The following KCTD5 variants were observed in gnomAD, a reference collection of about 807,000 sequenced individuals.
KCTD5 encodes the protein BTB/POZ domain-containing protein KCTD5.
Under a neutral mutation model 27.9 loss-of-function variants are expected in KCTD5, and 12 were observed. The ratio of observed to expected loss-of-function variants is 0.43; its 90% CI spans 0.28 to 0.70. The LOEUF is 0.70. KCTD5 is among the 30% of genes least tolerant of loss of function. The pLI, the probability that KCTD5 is intolerant of heterozygous loss-of-function variation, is 0.19. For missense variants in KCTD5, 226 were observed against 274.8 expected (o/e 0.82, Z 1.26); for synonymous variants, 147 against 121.4 (o/e 1.21, Z -1.39).
rs1285242884 is a variant in KCTD5, at chr16:2,707,363, G to GT, written c.*40dup. 6 of 1,607,564 alleles carry GT rather than the reference G, an allele frequency of 3.7e-6. No individual in the cohort carries two copies. The highest frequency in any genetic ancestry group is 4.3e-6 in the Non-Finnish European group (5 of 1,174,122). On this transcript the variant is annotated 3_prime_UTR_variant, in exon 6 of 6. Transcript: ENST00000301738. ...ATTGACAGCTGAAGAAATGATTTACGTTTTCCCGAGATGTAATGAACTGCC... is the reference window on the plus strand; with the variant it reads ...ATTGACAGCTGAAGAAATGATTTACGTTTTTCCCGAGATGTAATGAACTGCC...
At chr16:2,702,222 C>T (rs1285062192) in intron 4 of KCTD5, 131 bp from the exon 5 acceptor site, 2 of 1,169,648 alleles carry the variant, frequency 1.7e-6, no homozygotes, top group African/African-American at 3.1e-5. Flanking sequence ...GTTTTCCATC[C>T]ATTTCCTGAA....
At chr16:2,700,048 C>A in intron 4 of KCTD5, 132 bp downstream of exon 4, 1 of 775,306 alleles carries the variant, frequency 1.3e-6, no homozygotes, top group Non-Finnish European at 2.1e-6. Context: ...GGGGTGCTCA[C>A]GGCAGCGACC....
At chr16:2,700,261 A>G (rs536887303) in intron 4 of KCTD5, among the ~76,000 whole-genome samples, 5 of 152,290 alleles carry the variant, frequency 3.3e-5, no homozygotes, top group Non-Finnish European at 1.5e-5. Context: ...ATCCAGCGCA[A>G]TCCCCGTCCC....
At chr16:2,690,763 C>T (rs905544363) in intron 1 of KCTD5, among the ~76,000 whole-genome samples, 1 of 152,254 alleles carries the variant, frequency 6.6e-6, no homozygotes, top group Non-Finnish European at 1.5e-5. Context: ...GCCTTACGGG[C>T]AGCACAGGGG....
intron 2 of KCTD5, 25 bp from the exon 3 acceptor site, chr16:2,697,881 G>C: frequency 6.6e-7 from 1 of 1,522,994 alleles, no homozygotes; most frequent in Non-Finnish European, 9.1e-7. Flanking sequence ...GTCTGGTAAA[G>C]ACAATTTATT....
In KCTD5 at chr16:2,701,836, G is replaced by T. The variant is rs537890567; in HGVS notation, c.550-517G>T. On this transcript the variant is annotated intron_variant, in intron 4 of 5. Coordinates refer to ENST00000301738, the MANE Select transcript of KCTD5 (RefSeq NM_018992.4). ...ACAGGTTGGCCCTGGACCTGCATTG[G>T]CCTGGCCTGCCTGGTGACCCGGAGG... Among the ~76,000 whole-genome samples the T allele has an allele frequency of 3.3e-5, 5 of 152,338 alleles. No individual in the cohort carries two copies. In the South Asian group the frequency reaches 1.0e-3, roughly 32 times the overall value.
intron 2 of KCTD5, 24 bp from the exon 3 acceptor site, chr16:2,697,882 A>G (rs1396176824): frequency 6.6e-7 from 1 of 1,524,484 alleles, no homozygotes; most frequent in Non-Finnish European, 9.1e-7. Flanking sequence ...TCTGGTAAAG[A>G]CAATTTATTT....
chr16:2,682,672 G>A lies in KCTD5; in HGVS notation c.124G>A (p.Val42Met), dbSNP rs752641327. 8 of 1,604,396 alleles carry A rather than the reference G, an allele frequency of 5.0e-6. No homozygotes were observed. The African/African-American group carries it at 8.1e-5, about 16-fold the overall frequency. Residue 42 changes from valine to methionine, a missense_variant, in exon 1 of 6, where the codon GTG becomes ATG. By Grantham distance (21) the Val-to-Met change is conservative. Coordinates refer to ENST00000301738, the MANE Select transcript of KCTD5 (RefSeq NM_018992.4). ...LGALAQRPGSVSKWVRLNVGG... is the reference protein window; with the variant it reads ...LGALAQRPGSMSKWVRLNVGG... ...CGCCCTGGCCCAGCGCCCTGGCAGC[G>A]TGTCCAAGTGGGTCCGACTCAACGT...
chr16:2,693,013 G>T (rs771944978), intron 1 of KCTD5, among the ~76,000 whole-genome samples: 20 of 152,360 alleles, frequency 1.3e-4, no homozygotes, highest in Non-Finnish European at 1.2e-4. Context: ...CGAACCCCAG[G>T]GCTGCAGCCC....
At chr16:2,692,774 C>G (rs2067572235) in intron 1 of KCTD5, among the ~76,000 whole-genome samples, 1 of 152,252 alleles carries the variant, frequency 6.6e-6, no homozygotes, top group African/African-American at 2.4e-5. Context: ...TACATGGCGC[C>G]TGGGCTCGGC....
Position 2,682,747 on chromosome 16 carries a change from A to G in KCTD5, c.199A>G (p.Lys67Glu). ...TTRQTLCRDPKSFLYRLCQAD... is the reference protein window; with the variant it reads ...TTRQTLCRDPESFLYRLCQAD... Reference sequence around the variant, plus strand: ...TCGGCAGACCCTGTGCCGGGACCCGAAATCCTTCCTGTACCGCTTATGCCA... The same window carrying G: ...TCGGCAGACCCTGTGCCGGGACCCGGAATCCTTCCTGTACCGCTTATGCCA... The change falls in exon 1 of 6, where the codon AAA becomes GAA. Residue 67 changes from lysine (K) to glutamate (E), a missense_variant. This residue lies in a region of KCTD5 where 135 missense variants were observed against 207.0 expected (regional missense o/e 0.65). Coordinates refer to ENST00000301738, the MANE Select transcript of KCTD5 (RefSeq NM_018992.4). 1 of 1,609,544 alleles carries G rather than the reference A, an allele frequency of 6.2e-7. No homozygotes were observed. The highest frequency in any genetic ancestry group is 8.5e-7 in the Non-Finnish European group (1 of 1,178,400).
At chr16:2,696,936 C>T (rs2335154) in intron 2 of KCTD5, among the ~76,000 whole-genome samples, 4 of 152,344 alleles carry the variant, frequency 2.6e-5, no homozygotes, top group East Asian at 1.9e-4. Context: ...CCGCTCGAGT[C>T]GAGGCTTCGC....
chr16:2,702,687 G>A (rs13337854), intron 5 of KCTD5, among the ~76,000 whole-genome samples: 26,677 of 152,250 alleles, frequency 0.18, 2,432 homozygotes, highest in Admixed American at 0.19. Flanking sequence ...CAGCCTGCAT[G>A]CAGAGCTGCT....
At chr16:2,687,634 G>A (rs13331631) in intron 1 of KCTD5, among the ~76,000 whole-genome samples, 39 of 152,228 alleles carry the variant, frequency 2.6e-4, no homozygotes, top group Non-Finnish European at 4.1e-4. Context: ...GGCTGTGGCC[G>A]TGATGGGGGC....
chr16:2,705,909 TG>T (rs1156441583), intron 5 of KCTD5, among the ~76,000 whole-genome samples: 1 of 152,156 alleles, frequency 6.6e-6, no homozygotes, highest in African/African-American at 2.4e-5. Flanking sequence ...AGGGAGCTGT[TG>T]GGGCTCCCGG....
At chr16:2,683,140 C>CT (rs2067525842) in intron 1 of KCTD5, 1 of 233,776 alleles carries the variant, frequency 4.3e-6, no homozygotes, top group Non-Finnish European at 8.3e-6. Context: ...TCACTAGGTT[C>CT]TTTTGCCCAG....
intron 1 of KCTD5, chr16:2,683,574 G>T (rs1481746982): frequency 6.7e-6 from 1 of 149,784 alleles, no homozygotes; most frequent in African/African-American, 2.5e-5. Flanking sequence ...ATGCTGTTGG[G>T]TAGATGGTAA....
intron 1 of KCTD5, among the ~76,000 whole-genome samples, chr16:2,689,832 T>A (rs753373689): frequency 4.8e-4 from 72 of 150,750 alleles, no homozygotes; most frequent in South Asian, 2.5e-3. Flanking sequence ...CCCTCCACCA[T>A]GCCTGGCTAA....
At chr16:2,693,036 C>T (rs1312207056) in intron 1 of KCTD5, among the ~76,000 whole-genome samples, 1 of 152,256 alleles carries the variant, frequency 6.6e-6, no homozygotes, top group African/African-American at 2.4e-5. Context: ...GGCAGCCCCA[C>T]GCAGATCCTC....
Sources: allele counts gnomAD v4.1 joint callset (sites outside exome capture counted in the v4.1 genomes callset), GRCh38; gene constraint gnomAD v4.1.1; regional missense constraint gnomAD v4.1.1; transcripts MANE v1.5; gene names NCBI Gene and HGNC (gene_info 2026-07-23, HGNC 2026-07-21).